The following VWA5B2 variants were observed in gnomAD, a reference collection of about 807,000 sequenced individuals.
The protein encoded by VWA5B2 is von Willebrand factor A domain containing 5B2.
VWA5B2 carries 93 observed loss-of-function variants against 118.5 expected under a neutral mutation model. That is an observed-to-expected ratio of 0.79 (90% CI 0.66 to 0.93). The LOEUF is 0.93. Among genes scored for constraint, VWA5B2 ranks in the 40% least tolerant of loss-of-function variants. The pLI, the probability that VWA5B2 is intolerant of heterozygous loss-of-function variation, is 0.00. For synonymous variants in VWA5B2, 708 were observed against 716.3 expected (o/e 0.99, Z 0.19); for missense variants, 1,546 against 1,672.8 (o/e 0.92, Z 1.32).
At position 184,239,954 on chromosome 3, in the gene VWA5B2, C is replaced by T; in HGVS notation, c.2658C>T (p.Leu886=). Residue 886 remains leucine (L), a synonymous_variant, in exon 16 of 20, where the codon CTC becomes CTT. Coordinates refer to ENST00000691901, the MANE Select transcript of VWA5B2 (RefSeq NM_001390846.1). This position sits in a 1 kb window ranked among gnomAD's most constrained non-coding sequence, Gnocchi z 5.1. The part of the protein sequence containing the change: ...PVREAAWDQA[L]HRLTAASVVR... The stretch of plus-strand genomic sequence containing the variant: ...GAGAAGCTGCTTGGGACCAAGCACT[C>T]CATCGGCTGACAGCAGCCTCTGTGG... 6.4e-7 allele frequency: 1 copy of T among 1,551,116 alleles called. No homozygotes were observed. The highest frequency in any genetic ancestry group is 2.4e-5 in the East Asian group (1 of 40,898).
Position 184,230,916 on chromosome 3 carries a change from G to C in VWA5B2, c.309G>C (p.Gln103His). ...LGTPTPRRCAQGHLVLDLAQA... is the reference protein window; with the variant it reads ...LGTPTPRRCAHGHLVLDLAQA... ...CCCCGACGCCCCGCCGCTGCGCGCA[G>C]GGTGAGTTCCGCGCGCCCGCACCCG... is the stretch of plus-strand genomic sequence containing the variant. Residue 103 changes from glutamine to histidine, a missense_variant and splice_region_variant, in exon 3 of 20, where the codon CAG becomes CAC. Gln to His is a conservative substitution (Grantham distance 24). Around this residue, in one of 3 missense-constraint regions of VWA5B2, gnomAD observed 775 missense variants for 882.3 expected, o/e 0.88. Coordinates refer to ENST00000691901, the MANE Select transcript of VWA5B2 (RefSeq NM_001390846.1). The C allele has an allele frequency of 8.2e-7, 1 of 1,214,924 alleles. No homozygotes were observed. Among genetic ancestry groups the C allele is most frequent in the Non-Finnish European group, 1.0e-6 (1 of 977,302 alleles). The allele number at this position is 1,214,924 out of a possible 1,614,324, so 75.3% of individuals were successfully genotyped here.
At position 184,242,113 on chromosome 3, in the gene VWA5B2, G is replaced by C; in HGVS notation, c.*75G>C. Reference sequence around the variant, plus strand: ...CACTGCCGCCCAGGGCTGGCCTCTTGGTGCTGGGAAAGTGTAGGCTGGTGC... The same window carrying C: ...CACTGCCGCCCAGGGCTGGCCTCTTCGTGCTGGGAAAGTGTAGGCTGGTGC... On this transcript the variant is annotated 3_prime_UTR_variant, in exon 20 of 20. Coordinates refer to ENST00000691901, the MANE Select transcript of VWA5B2 (RefSeq NM_001390846.1). 1 of 1,509,816 alleles carries C rather than the reference G, an allele frequency of 6.6e-7. No homozygotes were observed. The highest frequency in any genetic ancestry group is 8.9e-7 in the Non-Finnish European group (1 of 1,127,140). 93.5% of individuals were successfully genotyped at this position (1,509,816 alleles called of 1,614,324 possible).
chr3:184,240,772 C>T lies in VWA5B2; in HGVS notation c.2741-19C>T. On this transcript the variant is annotated intron_variant, in intron 16 of 19. Coordinates refer to ENST00000691901, the MANE Select transcript of VWA5B2 (RefSeq NM_001390846.1). ...GGGTGGGTGGTGGGGGCTCCACAGA[C>T]TGCTCCTTGGTTCCACAGGCCATGC... 5 of 1,549,584 alleles carry T rather than the reference C, an allele frequency of 3.2e-6. No individual in the cohort carries two copies. The South Asian group carries it at 6.0e-5, about 18-fold the overall frequency.
chr3:184,241,604 A>G lies in VWA5B2; in HGVS notation c.3295A>G (p.Ser1099Gly). 6.5e-7 allele frequency: 1 copy of G among 1,544,356 alleles called. No individual in the cohort carries two copies. The highest frequency in any genetic ancestry group is 8.7e-7 in the Non-Finnish European group (1 of 1,146,614). ...RASPFAVHRA[S>G]LSPTSASLPW... ...CTCGCCCTTTGCCGTGCACCGCGCCAGCCTCAGCCCCACCTCGGCCTCATT... is the reference window on the plus strand; with the variant it reads ...CTCGCCCTTTGCCGTGCACCGCGCCGGCCTCAGCCCCACCTCGGCCTCATT... The change falls in exon 20 of 20, where the codon AGC becomes GGC. Residue 1099 changes from serine to glycine, a missense_variant. Coordinates refer to ENST00000691901, the MANE Select transcript of VWA5B2 (RefSeq NM_001390846.1). This position sits in a 1 kb window ranked among gnomAD's most constrained non-coding sequence, Gnocchi z 5.1.
In VWA5B2 at chr3:184,233,323, G is replaced by T. The variant is rs766772484; in HGVS notation, c.456G>T (p.Leu152=). The change falls in exon 4 of 20, where the codon CTG becomes CTT. Residue 152 remains leucine, a synonymous_variant. Coordinates refer to ENST00000691901, the MANE Select transcript of VWA5B2 (RefSeq NM_001390846.1). The surrounding 1 kb of genome is among the most constrained non-coding windows in gnomAD (Gnocchi z 5.2). ...SRPDGVLHVA[L]PTVLTPLAPP... is the part of the protein sequence containing the mutation. The stretch of plus-strand genomic sequence containing the variant: ...CTGACGGGGTGCTGCATGTGGCCCT[G>T]CCCACTGTGCTCACCCCGCTGGCCC... 4.7e-5 allele frequency: 73 copies of T among 1,536,910 alleles called. No individual in the cohort carries two copies. Among genetic ancestry groups the T allele is most frequent in the Non-Finnish European group, 5.4e-5 (62 of 1,140,622 alleles).
At position 184,241,555 on chromosome 3, in the gene VWA5B2, C is replaced by T. The variant is rs1228468229; in HGVS notation, c.3246C>T (p.Ile1082=). Reference sequence around the variant, plus strand: ...CGCCCTTCTGCGCCGCTGTGCGCATCTCGCAGGAGCGCCTCTGCCGTGCCT... The same window carrying T: ...CGCCCTTCTGCGCCGCTGTGCGCATTTCGCAGGAGCGCCTCTGCCGTGCCT... The part of the protein sequence containing the change: ...LDAPFCAAVR[I]SQERLCRASP... The change falls in exon 20 of 20, where the codon ATC becomes ATT. Residue 1082 remains isoleucine, a synonymous_variant. Coordinates refer to ENST00000691901, the MANE Select transcript of VWA5B2 (RefSeq NM_001390846.1). This position sits in a 1 kb window ranked among gnomAD's most constrained non-coding sequence, Gnocchi z 5.1. 7.7e-6 allele frequency: 12 copies of T among 1,549,248 alleles called. No homozygotes were observed. In the Admixed American group the frequency reaches 1.8e-4, roughly 23 times the overall value.
Position 184,230,602 on chromosome 3 carries a change from A to G in VWA5B2, c.74A>G (p.Asn25Ser), listed in dbSNP as rs1382895177. ...LTDSWVRACA[N>S]GPCLSVRARL... ...GACTCCTGGGTCCGGGCCTGCGCCAACGGCCCCTGCCTCAGCGTGCGGGCC... is the reference window on the plus strand; with the variant it reads ...GACTCCTGGGTCCGGGCCTGCGCCAGCGGCCCCTGCCTCAGCGTGCGGGCC... Residue 25 changes from asparagine (N) to serine (S), a missense_variant, in exon 2 of 20, where the codon AAC becomes AGC. Asn to Ser is a conservative substitution (Grantham distance 46). Coordinates refer to ENST00000691901, the MANE Select transcript of VWA5B2 (RefSeq NM_001390846.1). The G allele has an allele frequency of 8.2e-6, 12 of 1,455,668 alleles. No homozygotes were observed. The highest frequency in any genetic ancestry group is 9.9e-6 in the Non-Finnish European group (11 of 1,110,768). 90.2% of individuals were successfully genotyped at this position (1,455,668 alleles called of 1,614,324 possible).
chr3:184,240,592 T>C, intron 16 of VWA5B2, 199 bp from the exon 17 acceptor site: 1 of 712,488 alleles, frequency 1.4e-6, no homozygotes, highest in Non-Finnish European at 2.2e-6. Context: ...GGGCTCTTGC[T>C]CTGCTATGGG....
intron 16 of VWA5B2, 89 bp downstream of exon 16, chr3:184,240,125 C>A: frequency 9.5e-7 from 1 of 1,050,872 alleles, no homozygotes; most frequent in South Asian, 1.9e-5. Context: ...ACTCTCTATA[C>A]CTCGCTTTGA....
chr3:184,241,705 G>A lies in VWA5B2; in HGVS notation c.3396G>A (p.Ser1132=), dbSNP rs190220382. The change falls in exon 20 of 20, where the codon TCG becomes TCA. Residue 1132 remains serine (S), a synonymous_variant. Transcript: ENST00000691901. This position sits in a 1 kb window ranked among gnomAD's most constrained non-coding sequence, Gnocchi z 5.1. ...ATASCSPSPS[S]GSEGPGQVDS... is the part of the protein sequence containing the mutation. Reference sequence around the variant, plus strand: ...CCTCCTGCAGCCCGTCCCCCAGCTCGGGCTCTGAGGGGCCAGGCCAGGTGG... The same window carrying A: ...CCTCCTGCAGCCCGTCCCCCAGCTCAGGCTCTGAGGGGCCAGGCCAGGTGG... The A allele has an allele frequency of 5.5e-4, 829 of 1,508,360 alleles. 4 individuals are homozygous for A. In the African/African-American group the frequency reaches 8.4e-3, roughly 15 times the overall value. The allele number at this position is 1,508,360 out of a possible 1,614,324, so 93.4% of individuals were successfully genotyped here. A position where few individuals can be genotyped will look rare whatever the true frequency, so the allele number is the denominator to read the frequency against.
In VWA5B2 at chr3:184,239,582, AG is replaced by A. The variant is rs1453881497; in HGVS notation, c.2392+1del. The A allele has an allele frequency of 2.6e-6, 4 of 1,513,746 alleles. No homozygotes were observed. Among genetic ancestry groups the A allele is most frequent in the Non-Finnish European group, 3.6e-6 (4 of 1,122,704 alleles). The allele number at this position is 1,513,746 out of a possible 1,614,324, so 93.8% of individuals were successfully genotyped here. ...QQLGQGLDDS[G>X]NLLSPAPMDW... is the part of the protein sequence containing the mutation. Reference sequence around the variant, plus strand: ...AGTTGGGACAAGGCCTGGATGACTCAGGTAAGTGTTGGATGGGGAGCTGGTT... The same window carrying A: ...AGTTGGGACAAGGCCTGGATGACTCAGTAAGTGTTGGATGGGGAGCTGGTT... On this transcript the variant is annotated frameshift_variant and splice_region_variant, in exon 15 of 20. Transcript: ENST00000691901. LOFTEE classifies it high-confidence loss of function. The surrounding 1 kb of genome is among the most constrained non-coding windows in gnomAD (Gnocchi z 5.1).
chr3:184,230,998 C>T (rs893701990), intron 3 of VWA5B2, 81 bp downstream of exon 3: 6 of 1,197,022 alleles, frequency 5.0e-6, no homozygotes, highest in Middle Eastern at 3.3e-4. Flanking sequence ...CTCCGCCCGT[C>T]CCCCGCCTTC....
Position 184,236,361 on chromosome 3 carries a change from T to C in VWA5B2, c.1231T>C (p.Cys411Arg), listed in dbSNP as rs1405333982. Residue 411 changes from cysteine to arginine, a missense_variant, in exon 10 of 20, where the codon TGC becomes CGC. Around this residue, in one of 3 missense-constraint regions of VWA5B2, gnomAD observed 775 missense variants for 882.3 expected, o/e 0.88. Transcript: ENST00000691901. ...PCSDDAVQLI[C>R]ESIETLQVPS... The stretch of plus-strand genomic sequence containing the variant: ...GCTCCAGGATGCTGTGCAGCTGATC[T>C]GCGAGAGCATTGAGACCCTGCAGGT... 6.5e-7 allele frequency: 1 copy of C among 1,547,010 alleles called. No homozygotes were observed. The highest frequency in any genetic ancestry group is 1.4e-5 in the African/African-American group (1 of 72,982).
Position 184,235,142 on chromosome 3 carries a change from C to T in VWA5B2, c.946-11C>T. On this transcript the variant is annotated splice_polypyrimidine_tract_variant and intron_variant, in intron 7 of 19. Coordinates refer to ENST00000691901, the MANE Select transcript of VWA5B2 (RefSeq NM_001390846.1). Reference sequence around the variant, plus strand: ...GCCTTGCCCAGGCTGACTTGGGACTCCCCCGCTCAGGTGTGGTTCCTGCAG... The same window carrying T: ...GCCTTGCCCAGGCTGACTTGGGACTTCCCCGCTCAGGTGTGGTTCCTGCAG... 2.6e-6 allele frequency: 4 copies of T among 1,550,352 alleles called. No homozygotes were observed. Among genetic ancestry groups the T allele is most frequent in the Non-Finnish European group, 3.5e-6 (4 of 1,146,036 alleles).
intron 3 of VWA5B2, among the ~76,000 whole-genome samples, chr3:184,231,218 C>A (rs1717369430): frequency 6.6e-6 from 1 of 152,176 alleles, no homozygotes; most frequent in African/African-American, 2.4e-5. Context: ...CAAAGGGAGC[C>A]TTCTCCCCTG....
Position 184,241,806 on chromosome 3 carries a change from C to A in VWA5B2, c.3497C>A (p.Thr1166Asn). 6.6e-7 allele frequency: 1 copy of A among 1,509,180 alleles called. No individual in the cohort carries two copies. Among genetic ancestry groups the A allele is most frequent in the South Asian group, 1.3e-5 (1 of 77,660 alleles). The allele number at this position is 1,509,180 out of a possible 1,614,324, so 93.5% of individuals were successfully genotyped here. A position where few individuals can be genotyped will look rare whatever the true frequency, so the allele number is the denominator to read the frequency against. ...GLGGTDLRGR[T>N]WATAVALAWL... ...GGCGGCACCGACCTGCGGGGCCGGA[C>A]CTGGGCCACTGCCGTAGCACTCGCC... The change falls in exon 20 of 20, where the codon ACC (threonine) becomes AAC (asparagine). Residue 1166 changes from threonine (T) to asparagine (N), a missense_variant. This residue lies in a region of VWA5B2 where 763 missense variants were observed against 766.6 expected (regional missense o/e 1.00). Coordinates refer to ENST00000691901, the MANE Select transcript of VWA5B2 (RefSeq NM_001390846.1). This position sits in a 1 kb window ranked among gnomAD's most constrained non-coding sequence, Gnocchi z 5.1.
At position 184,241,582 on chromosome 3, in the gene VWA5B2, G is replaced by C; in HGVS notation, c.3273G>C (p.Ser1091=). 6.5e-7 allele frequency: 1 copy of C among 1,546,846 alleles called. No individual in the cohort carries two copies. The highest frequency in any genetic ancestry group is 8.7e-7 in the Non-Finnish European group (1 of 1,146,682). The change falls in exon 20 of 20, where the codon TCG becomes TCC. Residue 1091 remains serine, a synonymous_variant. Transcript: ENST00000691901. This position sits in a 1 kb window ranked among gnomAD's most constrained non-coding sequence, Gnocchi z 5.1. ...CGCAGGAGCGCCTCTGCCGTGCCTC[G>C]CCCTTTGCCGTGCACCGCGCCAGCC... ...RISQERLCRA[S]PFAVHRASLS... is the part of the protein sequence containing the mutation.
chr3:184,236,883 C>T (rs1279704172), intron 11 of VWA5B2, 134 bp downstream of exon 11: 1 of 771,636 alleles, frequency 1.3e-6, no homozygotes, highest in Non-Finnish European at 2.0e-6. Context: ...CCACTCCAAT[C>T]AGGGGAAGAG....
At chr3:184,234,993 A>G in intron 7 of VWA5B2, 160 bp from the exon 8 acceptor site, 2 of 1,089,108 alleles carry the variant, frequency 1.8e-6, no homozygotes, top group Non-Finnish European at 2.6e-6. Flanking sequence ...AACAGAAGAC[A>G]GCCACCTGCC....
Sources: gnomAD v4.1 joint callset for allele counts (sites outside exome capture counted in the v4.1 genomes callset) on GRCh38, gnomAD v4.1.1 for gene constraint, gnomAD v4.1.1 regional missense constraint, Gnocchi (gnomAD v3.1) non-coding constraint, MANE v1.5 for transcripts, NCBI Gene and HGNC (gene_info 2026-07-23, HGNC 2026-07-21) for gene names.